EBF3: variants seen among roughly 807,000 people sequenced by gnomAD.
EBF3 encodes transcription factor COE3.
A neutral mutation model predicts 77.1 loss-of-function variants in EBF3; 18 were observed. That is an observed-to-expected ratio of 0.23 (90% CI 0.16 to 0.35). The LOEUF (loss-of-function observed/expected upper bound fraction) is 0.35, where lower values mean the gene tolerates loss of function less well. Ranked by LOEUF, EBF3 falls within the 10% of genes least tolerant of loss-of-function variation. The probability of loss-of-function intolerance (pLI) is 1.00; values close to 1 mark genes in which losing one functional copy is unlikely to be tolerated. For synonymous variants in EBF3, 350 were observed against 343.5 expected, an observed-to-expected ratio of 1.02 and a Z score of -0.21; for missense variants, 558 against 860.0, an observed-to-expected ratio of 0.65 and a Z score of 4.39.
intron 6 of EBF3, among the ~76,000 whole-genome samples, chr10:129,924,422 A>G (rs1589870868): frequency 1.4e-5 from 2 of 143,030 alleles, no homozygotes; most frequent in East Asian, 4.1e-4. Flanking sequence ...CTCAAACAAC[A>G]ACAACAACAA....
chr10:129,938,202 A>G lies in EBF3; in HGVS notation c.554+19056T>C, dbSNP rs1857490656. Among the ~76,000 whole-genome samples the G allele has an allele frequency of 1.3e-5, 2 of 151,996 alleles. No homozygotes were observed. Among genetic ancestry groups the G allele is most frequent in the African/African-American group, 2.4e-5 (1 of 41,370 alleles). On this transcript the variant is annotated intron_variant, in intron 6 of 16. Transcript: ENST00000440978. This position sits in a 1 kb window ranked among gnomAD's most constrained non-coding sequence, Gnocchi z 5.1. ...CTTCATCAGTGAGCCCCTCTGGTAC[A>G]CAGACTGCTCTGTTCTAGAACGGAA...
chr10:129,851,288 G>T (rs1319160462), intron 10 of EBF3, among the ~76,000 whole-genome samples: 1 of 152,154 alleles, frequency 6.6e-6, no homozygotes, highest in Non-Finnish European at 1.5e-5. Context: ...CGGGGATGAA[G>T]AAGAAATATG....
At chr10:129,921,306 C>T (rs1856289160) in intron 6 of EBF3, among the ~76,000 whole-genome samples, 1 of 152,138 alleles carries the variant, frequency 6.6e-6, no homozygotes, top group African/African-American at 2.4e-5. Context: ...GTGTTAGCAG[C>T]ATCCTCAGTC....
intron 8 of EBF3, 138 bp from the exon 9 acceptor site, chr10:129,868,050 C>A: frequency 1.7e-6 from 2 of 1,167,012 alleles, no homozygotes; most frequent in Non-Finnish European, 2.4e-6. Context: ...AAAGGGCAAC[C>A]GTAGATCAGC....
intron 6 of EBF3, among the ~76,000 whole-genome samples, chr10:129,910,265 C>T (rs1205597557): frequency 6.6e-6 from 1 of 152,226 alleles, no homozygotes; most frequent in African/African-American, 2.4e-5. Context: ...TACACATACT[C>T]AAGTCCCTTG....
At chr10:129,867,972 C>T (rs1303713678) in intron 8 of EBF3, 60 bp from the exon 9 acceptor site, 11 of 1,587,102 alleles carry the variant, frequency 6.9e-6, no homozygotes, top group Admixed American at 1.7e-5. Flanking sequence ...GACGCTGGGC[C>T]GCTCGGCCAC....
intron 6 of EBF3, among the ~76,000 whole-genome samples, chr10:129,894,632 C>T (rs1395700958): frequency 6.6e-6 from 1 of 152,162 alleles, no homozygotes; most frequent in East Asian, 1.9e-4. Context: ...CTCACTGGGG[C>T]CCTCCAGCTC....
intron 4 of EBF3, among the ~76,000 whole-genome samples, chr10:129,959,965 G>T (rs1270494290): frequency 6.6e-6 from 1 of 152,200 alleles, no homozygotes; most frequent in Non-Finnish European, 1.5e-5. Context: ...GGTGGGTTTT[G>T]AGCAGAGGCT....
At position 129,937,562 on chromosome 10, in the gene EBF3, C is replaced by T. The variant is rs185360173; in HGVS notation, c.554+19696G>A. Among the ~76,000 whole-genome samples, 139 of 152,338 alleles carry T rather than the reference C, an allele frequency of 9.1e-4. 1 individual carries two copies. Among genetic ancestry groups the T allele is most frequent in the South Asian group, 5.0e-3 (24 of 4,826 alleles). On this transcript the variant is annotated intron_variant, in intron 6 of 16. Transcript: ENST00000440978. ...CCGCACATTCCCATTCAGGCAGCTA[C>T]GCCTGATCACAAGGGCTTACGAGCT...
chr10:129,847,108 T>C (rs1287938249), intron 11 of EBF3, among the ~76,000 whole-genome samples: 1 of 151,990 alleles, frequency 6.6e-6, no homozygotes, highest in African/African-American at 2.4e-5. Context: ...GACTGTGCTG[T>C]GGGGTTCTGC....
Position 129,920,887 on chromosome 10 carries a change from T to C in EBF3, c.554+36371A>G, listed in dbSNP as rs528764450. On this transcript the variant is annotated intron_variant, in intron 6 of 16. Transcript: ENST00000440978. ...GGTCTCTGGGCCTAGAGTCAGCAGC[T>C]GGCAGTCCTAGCTCTCCTGCCTGAG... Among the ~76,000 whole-genome samples the C allele has an allele frequency of 3.9e-5, 6 of 152,228 alleles. No individual in the cohort carries two copies. The East Asian group carries it at 1.2e-3, about 30-fold the overall frequency.
At chr10:129,926,309 C>T (rs1856666124) in intron 6 of EBF3, among the ~76,000 whole-genome samples, 1 of 152,124 alleles carries the variant, frequency 6.6e-6, no homozygotes, top group Admixed American at 6.5e-5. Context: ...AAGGGAGTCC[C>T]CCTTCCTGAG....
chr10:129,840,271 G>C lies in EBF3; in HGVS notation c.1733C>G (p.Thr578Ser). ...RPQASPPPSCTSANGNGLQGS... is the reference protein window; with the variant it reads ...RPQASPPPSCSSANGNGLQGS... ...TTGCAGTCCATTCCCGTTGGCGCTG[G>C]TGCAGGAAGGAGGAGGAGAGGCTTG... The change falls in exon 15 of 17, where the codon ACC becomes AGC. Residue 578 changes from threonine (T) to serine (S), a missense_variant. By Grantham distance (58) the Thr-to-Ser change is moderately conservative. This residue lies in a region of EBF3 where 284 missense variants were observed against 368.3 expected (regional missense o/e 0.77). Transcript: ENST00000440978. The C allele has an allele frequency of 1.9e-6, 3 of 1,587,770 alleles. No individual in the cohort carries two copies. Among genetic ancestry groups the C allele is most frequent in the South Asian group, 1.2e-5 (1 of 86,842 alleles).
chr10:129,954,917 T>C (rs1858929555), intron 6 of EBF3, among the ~76,000 whole-genome samples: 3 of 152,054 alleles, frequency 2.0e-5, no homozygotes, highest in Non-Finnish European at 4.4e-5. Context: ...AGAGGCAACA[T>C]ACACCCCACA....
chr10:129,857,401 T>A (rs938171290), intron 10 of EBF3, among the ~76,000 whole-genome samples: 4 of 151,872 alleles, frequency 2.6e-5, no homozygotes, highest in Non-Finnish European at 4.4e-5. Context: ...GCCTCCCCCC[T>A]CACAGCCCCA....
chr10:129,838,007 C>T (rs1218546827), intron 16 of EBF3, 47 bp from the exon 17 acceptor site: 3 of 1,612,860 alleles, frequency 1.9e-6, no homozygotes, highest in Non-Finnish European at 1.7e-6. Context: ...CCCCCACGCG[C>T]CCTCCCGCCA....
chr10:129,856,542 AAGGAGGTAGATTCATGGTTGCC>A (rs1367969590), intron 10 of EBF3, among the ~76,000 whole-genome samples: 3 of 152,216 alleles, frequency 2.0e-5, no homozygotes, highest in South Asian at 4.1e-4. Context: ...TGGATAGGGA[AAGGAGGTAGATTCATGGTTGCC>A]AGGAGCTAGG....
At chr10:129,880,297 T>TGCCACCCACACATACACACAC (rs1853101241) in intron 6 of EBF3, among the ~76,000 whole-genome samples, 1 of 151,882 alleles carries the variant, frequency 6.6e-6, no homozygotes, top group African/African-American at 2.4e-5. Flanking sequence ...CATACACACA[T>TGCCACCCACACATACACACAC]GCCACCCACA....
At chr10:129,948,259 C>CAA (rs71481027) in intron 6 of EBF3, among the ~76,000 whole-genome samples, 2 of 45,740 alleles carry the variant, frequency 4.4e-5, no homozygotes, top group African/African-American at 9.4e-5. Flanking sequence ...AACTCCGTCT[C>CAA]AAAAAAAAAA....
Sources: gnomAD v4.1 joint callset for allele counts (sites outside exome capture counted in the v4.1 genomes callset) on GRCh38, gnomAD v4.1.1 for gene constraint, gnomAD v4.1.1 regional missense constraint, Gnocchi (gnomAD v3.1) non-coding constraint, MANE v1.5 for transcripts, NCBI Gene and HGNC (gene_info 2026-07-23, HGNC 2026-07-21) for gene names.